FAM227B: variants seen among roughly 807,000 people sequenced by gnomAD.
The protein encoded by FAM227B is protein FAM227B.
FAM227B carries 88 observed loss-of-function variants against 73.8 expected under a neutral mutation model. The ratio of observed to expected loss-of-function variants is 1.19; its 90% CI spans 1.00 to 1.42. The LOEUF (loss-of-function observed/expected upper bound fraction) is 1.42. Among genes scored for constraint, FAM227B ranks in the 40% most tolerant of loss-of-function variants. The pLI, the probability that FAM227B is intolerant of heterozygous loss-of-function variation, is 0.00. For missense variants in FAM227B, 632 were observed against 590.9 expected, an observed-to-expected ratio of 1.07 and a Z score of -0.72; for synonymous variants, 210 against 190.5, an observed-to-expected ratio of 1.10 and a Z score of -0.84.
At chr15:49,613,240 C>G (rs1310291194) in intron 2 of FAM227B, among the ~76,000 whole-genome samples, 1 of 152,108 alleles carries the variant, frequency 6.6e-6, no homozygotes, top group Non-Finnish European at 1.5e-5. Context: ...AGTGGCCAGG[C>G]ATGGTGGCTC....
At chr15:49,442,173 A>G (rs1424707642) in intron 11 of FAM227B, among the ~76,000 whole-genome samples, 1 of 151,142 alleles carries the variant, frequency 6.6e-6, no homozygotes, top group Non-Finnish European at 1.5e-5. Flanking sequence ...CTTTTACCTT[A>G]TTTTCTACTG....
intron 13 of FAM227B, among the ~76,000 whole-genome samples, chr15:49,337,508 CTTTTTTTTTTTTTTTT>C (rs33973907): frequency 5.5e-5 from 2 of 36,080 alleles, no homozygotes; most frequent in Non-Finnish European, 9.9e-5. Context: ...CATTTACCCA[CTTTTTTTTTTTTTTTT>C]TTTTTTTTTT....
intron 9 of FAM227B, among the ~76,000 whole-genome samples, chr15:49,563,166 T>C (rs915226207): frequency 1.3e-5 from 2 of 152,104 alleles, no homozygotes; most frequent in African/African-American, 4.8e-5. Context: ...ACAAAACCAA[T>C]GTACAAAACT....
At chr15:49,507,468 T>C (rs566999884) in intron 11 of FAM227B, among the ~76,000 whole-genome samples, 1 of 152,168 alleles carries the variant, frequency 6.6e-6, no homozygotes, top group African/African-American at 2.4e-5. Context: ...ACTTTAAACA[T>C]TACTAAGCCT....
At chr15:49,368,540 C>A (rs1054990252) in intron 12 of FAM227B, among the ~76,000 whole-genome samples, 1 of 152,134 alleles carries the variant, frequency 6.6e-6, no homozygotes, top group Non-Finnish European at 1.5e-5. Flanking sequence ...AATAGCAATT[C>A]TTTGCTAGTA....
intron 11 of FAM227B, among the ~76,000 whole-genome samples, chr15:49,384,028 T>C (rs1456884529): frequency 1.3e-5 from 2 of 152,118 alleles, no homozygotes; most frequent in Non-Finnish European, 2.9e-5. Flanking sequence ...AAGTTACTTC[T>C]GTCCTCCTAA....
At chr15:49,517,459 G>A (rs1277128199) in intron 10 of FAM227B, among the ~76,000 whole-genome samples, 1 of 152,012 alleles carries the variant, frequency 6.6e-6, no homozygotes, top group African/African-American at 2.4e-5. Flanking sequence ...GTGCAAAATA[G>A]TCACAAATAA....
intron 10 of FAM227B, among the ~76,000 whole-genome samples, chr15:49,522,743 G>C (rs2059879655): frequency 6.6e-6 from 1 of 151,952 alleles, no homozygotes; most frequent in Non-Finnish European, 1.5e-5. Flanking sequence ...ATTAAAAAAA[G>C]AAAGAATTTT....
intron 9 of FAM227B, among the ~76,000 whole-genome samples, chr15:49,546,021 A>T (rs1409929596): frequency 6.6e-6 from 1 of 151,078 alleles, no homozygotes; most frequent in East Asian, 1.9e-4. Context: ...GGTTTGTTAC[A>T]TATGTATACA....
intron 11 of FAM227B, among the ~76,000 whole-genome samples, chr15:49,403,675 G>GTCTA (rs1346475809): frequency 6.6e-6 from 1 of 151,898 alleles, no homozygotes; most frequent in Non-Finnish European, 1.5e-5. Context: ...CTAGCTAGCA[G>GTCTA]TCTATCTAGT....
chr15:49,508,111 C>T, intron 11 of FAM227B, 100 bp downstream of exon 11: 8 of 1,292,904 alleles, frequency 6.2e-6, no homozygotes, highest in Non-Finnish European at 7.4e-6. Flanking sequence ...TTTTAAGGCC[C>T]TCACCAAAAA....
chr15:49,496,893 C>T (rs1407244276), intron 11 of FAM227B, among the ~76,000 whole-genome samples: 2 of 151,770 alleles, frequency 1.3e-5, no homozygotes, highest in Non-Finnish European at 2.9e-5. Context: ...CCTTAGCCTT[C>T]CTCCAGCACA....
At chr15:49,391,124 TATGAATTAAGAC>T (rs144727771) in intron 11 of FAM227B, among the ~76,000 whole-genome samples, 9,943 of 152,220 alleles carry the variant, frequency 0.065, 467 homozygotes, top group East Asian at 0.18. Flanking sequence ...TTTTAGATTA[TATGAATTAAGAC>T]ATGAGGAGAT....
At chr15:49,354,485 G>T (rs539495497) in intron 13 of FAM227B, among the ~76,000 whole-genome samples, 1 of 152,180 alleles carries the variant, frequency 6.6e-6, no homozygotes, top group African/African-American at 2.4e-5. Flanking sequence ...AAGGGGTGAC[G>T]GACGGCACCT....
At chr15:49,350,505 GGGAGATGCTACCAAGGTTATAAGAATA>G (rs2042087888) in intron 13 of FAM227B, among the ~76,000 whole-genome samples, 1 of 152,066 alleles carries the variant, frequency 6.6e-6, no homozygotes, top group Non-Finnish European at 1.5e-5. Flanking sequence ...AGTTTTTACT[GGGAGATGCTACCAAGGTTATAAGAATA>G]GTGGGGGAAA....
chr15:49,339,234 C>G (rs2151206326), intron 13 of FAM227B, among the ~76,000 whole-genome samples: 1 of 152,266 alleles, frequency 6.6e-6, no homozygotes, highest in Non-Finnish European at 1.5e-5. Flanking sequence ...AATTTTCAGT[C>G]TTTTTGCGCT....
intron 11 of FAM227B, among the ~76,000 whole-genome samples, chr15:49,457,202 T>C (rs2053383671): frequency 6.6e-6 from 1 of 152,014 alleles, no homozygotes; most frequent in Admixed American, 6.6e-5. Flanking sequence ...GTTTATTGGA[T>C]TCATTGGAAT....
intron 11 of FAM227B, among the ~76,000 whole-genome samples, chr15:49,427,333 A>T (rs1249528107): frequency 6.6e-6 from 1 of 152,078 alleles, no homozygotes; most frequent in African/African-American, 2.4e-5. Flanking sequence ...GAATGAAAGA[A>T]TGTTTCCTTC....
Position 49,371,593 on chromosome 15 carries a change from CTTTA to C in FAM227B, c.1013-198_1013-195del, listed in dbSNP as rs565883861. Among the ~76,000 whole-genome samples the C allele has an allele frequency of 1.8e-3, 270 of 151,252 alleles. 1 individual carries two copies. The highest frequency in any genetic ancestry group is 6.1e-3 in the African/African-American group (251 of 41,272). On this transcript the variant is annotated intron_variant, in intron 11 of 15. Coordinates refer to ENST00000299338, the MANE Select transcript of FAM227B (RefSeq NM_152647.3). Reference sequence around the variant, plus strand: ...TATTTCATATTTTTACTCAATAGGGCTTTATTATTATTGTAAATATTCATTTATA... The same window carrying C: ...TATTTCATATTTTTACTCAATAGGGCTTATTATTGTAAATATTCATTTATA...
Sources: gnomAD v4.1 joint callset for allele counts (sites outside exome capture counted in the v4.1 genomes callset) on GRCh38, gnomAD v4.1.1 for gene constraint, MANE v1.5 for transcripts, NCBI Gene and HGNC (gene_info 2026-07-23, HGNC 2026-07-21) for gene names.